KDM7A: variants seen among roughly 807,000 people sequenced by gnomAD.
KDM7A encodes the protein lysine demethylase 7A, also known as lysine-specific demethylase 7A.
KDM7A carries 28 observed loss-of-function variants against 114.8 expected under a neutral mutation model. The observed-to-expected ratio is 0.24, with a 90% CI of 0.18 to 0.33. KDM7A has a LOEUF of 0.33. KDM7A is among the 10% of genes least tolerant of loss of function. KDM7A has a pLI of 1.00. For synonymous variants in KDM7A, 423 were observed against 397.8 expected (o/e 1.06, Z -0.75); for missense variants, 942 against 1,142.5 (o/e 0.82, Z 2.53).
rs1055440245 is a variant in KDM7A at position 140,176,421 on chromosome 7, ACGCCCCCGC to A, written c.194+314_194+322del. 5.5e-4 allele frequency among the ~76,000 whole-genome samples: 72 copies of A among 130,120 alleles called. No individual in the cohort carries two copies. The highest frequency in any genetic ancestry group is 1.1e-3 in the Non-Finnish European group (67 of 60,790). The allele number at this position is 130,120 out of a possible 152,430, so 85.4% of individuals were successfully genotyped here. A position where few individuals can be genotyped will look rare whatever the true frequency, so the allele number is the denominator to read the frequency against. On this transcript the variant is annotated intron_variant, in intron 1 of 19. Coordinates refer to ENST00000397560, the MANE Select transcript of KDM7A (RefSeq NM_030647.2). The surrounding 1 kb of genome is among the most constrained non-coding windows in gnomAD (Gnocchi z 4.4). ...GCGGACCCGGCCGGCGCTCCGCCCGACGCCCCCGCCGCGCCCGCCCGGCCGCGTCCCCTC... is the reference window on the plus strand; with the variant it reads ...GCGGACCCGGCCGGCGCTCCGCCCGACGCGCCCGCCCGGCCGCGTCCCCTC...
chr7:140,098,927 A>G lies in KDM7A; in HGVS notation c.1870T>C (p.Ser624Pro), dbSNP rs766083422. 6.2e-7 allele frequency: 1 copy of G among 1,613,226 alleles called. No individual in the cohort carries two copies. Among genetic ancestry groups the G allele is most frequent in the African/African-American group, 1.3e-5 (1 of 74,742 alleles). ...TCATGTTCCACTCCCTCTACTCCTG[A>G]ACTCTCTTCTATCTTCATTTTTGCC... The part of the protein sequence containing the change: ...KKAKMKIEES[S>P]GVEGVEHEES... Residue 624 changes from serine to proline, a missense_variant, in exon 14 of 20, where the codon TCA becomes CCA. Ser to Pro is a moderately conservative substitution (Grantham distance 74). Coordinates refer to ENST00000397560, the MANE Select transcript of KDM7A (RefSeq NM_030647.2).
intron 11 of KDM7A, among the ~76,000 whole-genome samples, chr7:140,110,699 A>T (rs1243823642): frequency 6.6e-6 from 1 of 152,098 alleles, no homozygotes; most frequent in Non-Finnish European, 1.5e-5. Context: ...ACTGCTTATC[A>T]TCCCTCTCTC....
At chr7:140,095,695 T>G (rs553977099) in intron 17 of KDM7A, 3 of 254,090 alleles carry the variant, frequency 1.2e-5, no homozygotes, top group Admixed American at 4.9e-5. Context: ...CTGGGCAACA[T>G]AGGTGAGACC....
In KDM7A at chr7:140,090,778, T is replaced by C. The variant is rs968324911; in HGVS notation, c.*316A>G. On this transcript the variant is annotated 3_prime_UTR_variant, in exon 20 of 20. Coordinates refer to ENST00000397560, the MANE Select transcript of KDM7A (RefSeq NM_030647.2). ...TGTTAAATAAATTATTGATAATTCT[T>C]TACCCTACCACTGAAAATACATCAA... The C allele has an allele frequency of 6.7e-6, 2 of 298,754 alleles. No individual in the cohort carries two copies. The highest frequency in any genetic ancestry group is 4.3e-5 in the African/African-American group (2 of 46,474). 18.5% of individuals were successfully genotyped at this position (298,754 alleles called of 1,614,324 possible).
At chr7:140,102,942 C>T (rs768906033) in intron 11 of KDM7A, among the ~76,000 whole-genome samples, 1 of 152,184 alleles carries the variant, frequency 6.6e-6, no homozygotes, top group Non-Finnish European at 1.5e-5. Context: ...CAACCACTTG[C>T]AACATTTTTT....
intron 6 of KDM7A, among the ~76,000 whole-genome samples, chr7:140,125,628 G>A (rs907061781): frequency 6.6e-6 from 1 of 152,136 alleles, no homozygotes; most frequent in Non-Finnish European, 1.5e-5. Context: ...GTGCAATGGT[G>A]CAATCACAGC....
chr7:140,176,755 C>G lies in KDM7A; in HGVS notation c.183G>C (p.Trp61Cys), dbSNP rs1794715838. ...GGGGGTTTATTTACCTGCCGTGGAACCAGTCCTTGCAGATATCGCACTCGA... is the reference window on the plus strand; with the variant it reads ...GGGGGTTTATTTACCTGCCGTGGAAGCAGTCCTTGCAGATATCGCACTCGA... Reference protein sequence around the residue: ...FMIECDICKDWFHGSCVGVEE... With the variant: ...FMIECDICKDCFHGSCVGVEE... Residue 61 changes from tryptophan to cysteine, a missense_variant, in exon 1 of 20, where the codon TGG becomes TGC. Trp to Cys is a radical substitution (Grantham distance 215). Around this residue, in one of 4 missense-constraint regions of KDM7A, gnomAD observed 112 missense variants for 96.2 expected, o/e 1.16. Coordinates refer to ENST00000397560, the MANE Select transcript of KDM7A (RefSeq NM_030647.2). This position sits in a 1 kb window ranked among gnomAD's most constrained non-coding sequence, Gnocchi z 4.4. 1 of 1,373,380 alleles carries G rather than the reference C, an allele frequency of 7.3e-7. No homozygotes were observed. Among genetic ancestry groups the G allele is most frequent in the Admixed American group, 2.2e-5 (1 of 45,926 alleles). The allele number at this position is 1,373,380 out of a possible 1,614,324, so 85.1% of individuals were successfully genotyped here. A position where few individuals can be genotyped will look rare whatever the true frequency, so the allele number is the denominator to read the frequency against.
At position 140,088,910 on chromosome 7, in the gene KDM7A, T is replaced by A. The variant is rs981102888; in HGVS notation, c.*2184A>T. The A allele has an allele frequency of 2.5e-5, 4 of 157,394 alleles. No individual in the cohort carries two copies. The highest frequency in any genetic ancestry group is 9.7e-5 in the African/African-American group (4 of 41,402). The allele number at this position is 157,394 out of a possible 1,614,324, so 9.7% of individuals were successfully genotyped here. On this transcript the variant is annotated 3_prime_UTR_variant, in exon 20 of 20. Transcript: ENST00000397560. ...AAAGTTTAATTTTAATTTTTGTGACTAAAGAAAAAAATAGAAAATACTCAA... is the reference window on the plus strand; with the variant it reads ...AAAGTTTAATTTTAATTTTTGTGACAAAAGAAAAAAATAGAAAATACTCAA...
At chr7:140,115,871 A>C (rs1412036180) in intron 9 of KDM7A, among the ~76,000 whole-genome samples, 1 of 135,290 alleles carries the variant, frequency 7.4e-6, no homozygotes, top group Non-Finnish European at 1.6e-5. Flanking sequence ...AAAAAAAATA[A>C]ATGTCATACA....
intron 1 of KDM7A, among the ~76,000 whole-genome samples, chr7:140,167,726 A>C (rs1794594035): frequency 6.6e-6 from 1 of 152,112 alleles, no homozygotes; most frequent in Admixed American, 6.5e-5. Context: ...AAGGATTGTT[A>C]ATTATGACTC....
At chr7:140,125,088 G>A (rs1202081058) in intron 6 of KDM7A, among the ~76,000 whole-genome samples, 1 of 152,164 alleles carries the variant, frequency 6.6e-6, no homozygotes, top group African/African-American at 2.4e-5. Context: ...GTCAAATAGA[G>A]AAGTAAATAT....
At chr7:140,165,913 G>A (rs949975652) in intron 1 of KDM7A, among the ~76,000 whole-genome samples, 6 of 152,110 alleles carry the variant, frequency 3.9e-5, no homozygotes, top group Non-Finnish European at 8.8e-5. Flanking sequence ...AAATTGTGAA[G>A]GAGGCAAAAG....
chr7:140,102,049 G>A lies in KDM7A; in HGVS notation c.1540C>T (p.Leu514Phe), dbSNP rs761645570. 17 of 1,613,912 alleles carry A rather than the reference G, an allele frequency of 1.1e-5. No individual in the cohort carries two copies. The East Asian group carries it at 3.8e-4, about 36-fold the overall frequency. The change falls in exon 12 of 20, where the codon CTT (leucine) becomes TTT (phenylalanine). Residue 514 changes from leucine to phenylalanine, a missense_variant. By Grantham distance (22) the Leu-to-Phe change is conservative. This residue lies in a region of KDM7A where 512 missense variants were observed against 576.6 expected (regional missense o/e 0.89). Transcript: ENST00000397560. ...PYHSRRKMRKLRDHNVRTPSN... is the reference protein window; with the variant it reads ...PYHSRRKMRKFRDHNVRTPSN... The stretch of plus-strand genomic sequence containing the variant: ...GGAGTTCGGACATTATGATCTCGAA[G>A]TTTCCTCATCTTTCTTCGGGAATGG...
intron 11 of KDM7A, among the ~76,000 whole-genome samples, chr7:140,109,635 T>A (rs1260317817): frequency 6.6e-6 from 1 of 152,248 alleles, no homozygotes; most frequent in African/African-American, 2.4e-5. Context: ...TTCCCTGTAG[T>A]TATTTGCCTC....
chr7:140,108,284 GTCAAAGTCA>G (rs1158802394), intron 11 of KDM7A, among the ~76,000 whole-genome samples: 1 of 152,142 alleles, frequency 6.6e-6, no homozygotes, highest in Non-Finnish European at 1.5e-5. Flanking sequence ...CTGTCAACTT[GTCAAAGTCA>G]TTCTCCGTCC....
chr7:140,162,811 A>G (rs1794535123), intron 1 of KDM7A, among the ~76,000 whole-genome samples: 1 of 152,208 alleles, frequency 6.6e-6, no homozygotes, highest in Non-Finnish European at 1.5e-5. Flanking sequence ...AAGTAGTAAG[A>G]ACAAAAGAGA....
intron 8 of KDM7A, 75 bp downstream of exon 8, chr7:140,120,367 T>C (rs1387607143): frequency 1.2e-6 from 1 of 831,812 alleles, no homozygotes; most frequent in Non-Finnish European, 2.0e-6. Context: ...AGCTATTGAT[T>C]TTTTTTAAGT....
chr7:140,150,699 T>C lies in KDM7A; in HGVS notation c.195-11509A>G, dbSNP rs573163542. Among the ~76,000 whole-genome samples, 9 of 152,354 alleles carry C rather than the reference T, an allele frequency of 5.9e-5. No individual in the cohort carries two copies. The South Asian group carries it at 1.0e-3, about 18-fold the overall frequency. ...AGAAGAGGAGAATTGCTTTTCACCA[T>C]AGAACCTTCTCTATACCTTCTGAAA... On this transcript the variant is annotated intron_variant, in intron 1 of 19. Transcript: ENST00000397560.
intron 1 of KDM7A, among the ~76,000 whole-genome samples, chr7:140,151,815 A>G (rs1794403553): frequency 6.6e-6 from 1 of 152,232 alleles, no homozygotes; most frequent in African/African-American, 2.4e-5. Context: ...ATGAATAAGC[A>G]TCTGAAACTC....
Sources: gnomAD v4.1 joint callset for allele counts (sites outside exome capture counted in the v4.1 genomes callset) on GRCh38, gnomAD v4.1.1 for gene constraint, gnomAD v4.1.1 regional missense constraint, Gnocchi (gnomAD v3.1) non-coding constraint, MANE v1.5 for transcripts, NCBI Gene and HGNC (gene_info 2026-07-23, HGNC 2026-07-21) for gene names.